CACNA1B: variants seen among roughly 807,000 people sequenced by gnomAD.
The protein encoded by CACNA1B is calcium voltage-gated channel subunit alpha1 B, also known as voltage-dependent N-type calcium channel subunit alpha-1B.
CACNA1B carries 70 observed loss-of-function variants against 247.2 expected under a neutral mutation model. That is an observed-to-expected ratio of 0.28 (90% CI 0.23 to 0.35). The LOEUF (loss-of-function observed/expected upper bound fraction) is 0.35, where lower values mean the gene tolerates loss of function less well. Ranked by LOEUF, CACNA1B falls within the 10% of genes least tolerant of loss-of-function variation. The probability of loss-of-function intolerance (pLI) is 1.00; values close to 1 mark genes in which losing one functional copy is unlikely to be tolerated. For synonymous variants in CACNA1B, 1,231 were observed against 1,294.4 expected, an observed-to-expected ratio of 0.95 and a Z score of 1.05; for missense variants, 2,367 against 3,197.4, an observed-to-expected ratio of 0.74 and a Z score of 6.26.
intron 40 of CACNA1B, among the ~76,000 whole-genome samples, chr9:138,112,736 A>AT (rs1478991672): frequency 2.0e-5 from 3 of 152,084 alleles, no homozygotes; most frequent in African/African-American, 4.8e-5. Context: ...TGTGGAATTT[A>AT]TTTTTTTTAA....
At chr9:138,027,971 T>G (rs927777588) in intron 20 of CACNA1B, among the ~76,000 whole-genome samples, 1 of 151,114 alleles carries the variant, frequency 6.6e-6, no homozygotes, top group African/African-American at 2.4e-5. Flanking sequence ...ACAGCTCCAT[T>G]CCTGAAAATC....
In CACNA1B at chr9:137,878,726, C is replaced by A. The variant is rs549165936; in HGVS notation, c.285-328C>A. 3.9e-4 allele frequency among the ~76,000 whole-genome samples: 60 copies of A among 152,250 alleles called. No homozygotes were observed. The South Asian group carries it at 0.011, about 27-fold the overall frequency. Reference sequence around the variant, plus strand: ...CCTGCGCGGGGTCTCCCTCCAGCCTCGCCTGGGGGCGCTCGGCCCCCTCCC... The same window carrying A: ...CCTGCGCGGGGTCTCCCTCCAGCCTAGCCTGGGGGCGCTCGGCCCCCTCCC... On this transcript the variant is annotated intron_variant, in intron 1 of 46. Transcript: ENST00000371372.
intron 3 of CACNA1B, among the ~76,000 whole-genome samples, chr9:137,911,472 A>G (rs1957359008): frequency 6.6e-6 from 1 of 152,092 alleles, no homozygotes; most frequent in Non-Finnish European, 1.5e-5. Flanking sequence ...CTGGAGTGCA[A>G]TGGCGCAATC....
chr9:137,993,097 T>C (rs567002419), intron 15 of CACNA1B, among the ~76,000 whole-genome samples: 20 of 152,132 alleles, frequency 1.3e-4, no homozygotes, highest in African/African-American at 4.1e-4. Context: ...AGAGCACAAA[T>C]AGACAATCTA....
In CACNA1B at chr9:137,974,370, G is replaced by T. The variant is rs1424942960; in HGVS notation, c.1544-1537G>T. Among the ~76,000 whole-genome samples the T allele has an allele frequency of 6.6e-6, 1 of 152,182 alleles. No homozygotes were observed. The highest frequency in any genetic ancestry group is 1.5e-5 in the Non-Finnish European group (1 of 68,024). On this transcript the variant is annotated intron_variant, in intron 11 of 46. Coordinates refer to ENST00000371372, the MANE Select transcript of CACNA1B (RefSeq NM_000718.4). This position sits in a 1 kb window ranked among gnomAD's most constrained non-coding sequence, Gnocchi z 4.5. Reference sequence around the variant, plus strand: ...TGGCCTTGTTATCATCCCATGCTTAGCTTGAGTGCCTGGTGATTTTCTGGC... The same window carrying T: ...TGGCCTTGTTATCATCCCATGCTTATCTTGAGTGCCTGGTGATTTTCTGGC...
intron 32 of CACNA1B, among the ~76,000 whole-genome samples, chr9:138,071,494 T>C (rs2133532625): frequency 6.6e-6 from 1 of 152,296 alleles, no homozygotes; most frequent in South Asian, 2.1e-4. Context: ...CCTGCCACGC[T>C]GTGCTCGAAC....
At chr9:138,046,310 G>T (rs1287821268) in intron 21 of CACNA1B, among the ~76,000 whole-genome samples, 1 of 152,216 alleles carries the variant, frequency 6.6e-6, no homozygotes. Context: ...GCAGTGTGTG[G>T]AGTGTGTCCC....
intron 20 of CACNA1B, among the ~76,000 whole-genome samples, chr9:138,038,575 A>T (rs1438493478): frequency 6.6e-6 from 1 of 152,240 alleles, no homozygotes; most frequent in Non-Finnish European, 1.5e-5. Context: ...GGGAAAGTGC[A>T]GGTGCAGGAG....
chr9:138,037,658 C>CA (rs1007038829), intron 20 of CACNA1B, among the ~76,000 whole-genome samples: 17 of 146,868 alleles, frequency 1.2e-4, no homozygotes, highest in African/African-American at 3.0e-4. Context: ...GACTCTGTCT[C>CA]AAAAAAAACA....
rs866528005 is a variant in CACNA1B, at chr9:137,954,879, T to A, written c.1071-819T>A. Among the ~76,000 whole-genome samples the A allele has an allele frequency of 6.5e-4, 94 of 145,278 alleles. No individual in the cohort carries two copies. The highest frequency in any genetic ancestry group is 3.5e-3 in the Middle Eastern group (1 of 288). On this transcript the variant is annotated intron_variant, in intron 7 of 46. Coordinates refer to ENST00000371372, the MANE Select transcript of CACNA1B (RefSeq NM_000718.4). This position sits in a 1 kb window ranked among gnomAD's most constrained non-coding sequence, Gnocchi z 4.1. ...GCTTGTGTGTGTGTGTGTGTGTGTGTGAGAGAGAGAGAGAGAGAGAGAGGG... is the reference window on the plus strand; with the variant it reads ...GCTTGTGTGTGTGTGTGTGTGTGTGAGAGAGAGAGAGAGAGAGAGAGAGGG...
intron 18 of CACNA1B, among the ~76,000 whole-genome samples, chr9:138,015,597 C>T (rs1258923746): frequency 6.6e-6 from 1 of 152,224 alleles, no homozygotes; most frequent in African/African-American, 2.4e-5. Flanking sequence ...TGCTGCGTGG[C>T]CTGCGGAGCG....
intron 36 of CACNA1B, among the ~76,000 whole-genome samples, chr9:138,087,621 A>G (rs1960740455): frequency 7.0e-6 from 1 of 143,616 alleles, no homozygotes; most frequent in African/African-American, 2.6e-5. Context: ...AGGCGGAGGC[A>G]GGAGAATTGC....
At chr9:137,927,752 AGTT>A (rs899448730) in intron 6 of CACNA1B, among the ~76,000 whole-genome samples, 5 of 152,194 alleles carry the variant, frequency 3.3e-5, no homozygotes, top group South Asian at 4.2e-4. Flanking sequence ...TGTACGGTTG[AGTT>A]GTTGTTTTTT....
chr9:138,113,078 T>TGCG (rs201819087), intron 40 of CACNA1B, among the ~76,000 whole-genome samples: 3 of 109,028 alleles, frequency 2.8e-5, no homozygotes, highest in African/African-American at 7.7e-5. Context: ...AACTCCATCT[T>TGCG]GGAGACGTGA....
intron 36 of CACNA1B, among the ~76,000 whole-genome samples, chr9:138,087,642 G>A (rs981280657): frequency 1.4e-5 from 2 of 142,892 alleles, no homozygotes; most frequent in African/African-American, 5.3e-5. Flanking sequence ...TTGAACCCAG[G>A]AGGCGGAGGT....
intron 15 of CACNA1B, among the ~76,000 whole-genome samples, chr9:137,998,050 A>G (rs761926601): frequency 6.6e-6 from 1 of 152,200 alleles, no homozygotes; most frequent in African/African-American, 2.4e-5. Context: ...TAGTAAACGT[A>G]TAAAAGCTTG....
At chr9:138,006,403 T>TTGAC (rs1230292729) in intron 15 of CACNA1B, among the ~76,000 whole-genome samples, 2 of 152,216 alleles carry the variant, frequency 1.3e-5, no homozygotes, top group African/African-American at 2.4e-5. Flanking sequence ...CTCGGCTTCC[T>TTGAC]TGACTGCAGT....
In CACNA1B at chr9:138,072,038, G is replaced by A. The variant is rs77429282; in HGVS notation, c.4675-1450G>A. 8.8e-3 allele frequency among the ~76,000 whole-genome samples: 1,342 copies of A among 152,134 alleles called. 14 individuals carry two copies. The highest frequency in any genetic ancestry group is 0.03 in the African/African-American group (1,255 of 41,506). On this transcript the variant is annotated intron_variant, in intron 32 of 46. Transcript: ENST00000371372. This position sits in a 1 kb window ranked among gnomAD's most constrained non-coding sequence, Gnocchi z 4.5. The stretch of plus-strand genomic sequence containing the variant: ...AGAGTTCTTGGCCATCTTGTCTACC[G>A]TGGAGATTTTCTTTCCCTGGCACAA...
chr9:138,058,113 G>C lies in CACNA1B; in HGVS notation c.4171G>C (p.Glu1391Gln). 1.2e-6 allele frequency: 2 copies of C among 1,613,970 alleles called. No homozygotes were observed. The highest frequency in any genetic ancestry group is 1.7e-6 in the Non-Finnish European group (2 of 1,179,822). Residue 1391 changes from glutamate (E) to glutamine (Q), a missense_variant, in exon 28 of 47, where the codon GAG becomes CAG. Glu to Gln is a conservative substitution (Grantham distance 29, BLOSUM62 2). This residue lies in a region of CACNA1B where 436 missense variants were observed against 679.5 expected (regional missense o/e 0.64). Transcript: ENST00000371372. This position sits in a 1 kb window ranked among gnomAD's most constrained non-coding sequence, Gnocchi z 4.7. The part of the protein sequence containing the change: ...EQGPSPGYRM[E>Q]LSIFYVVYFV... Reference sequence around the variant, plus strand: ...GGGTCCAAGCCCTGGGTACCGCATGGAGCTGTCCATCTTCTACGTGGTCTA... The same window carrying C: ...GGGTCCAAGCCCTGGGTACCGCATGCAGCTGTCCATCTTCTACGTGGTCTA...
Sources: allele counts gnomAD v4.1 joint callset (sites outside exome capture counted in the v4.1 genomes callset), GRCh38; gene constraint gnomAD v4.1.1; regional missense constraint gnomAD v4.1.1; non-coding constraint Gnocchi (gnomAD v3.1); transcripts MANE v1.5; gene names NCBI Gene and HGNC (gene_info 2026-07-23, HGNC 2026-07-21).